Variants in ATRNL1 observed in about 807,000 individuals in gnomAD.
The protein encoded by ATRNL1 is attractin like 1, also known as attractin-like protein 1.
A neutral mutation model predicts 182.7 loss-of-function variants in ATRNL1; 95 were observed. The observed-to-expected ratio is 0.52, with a 90% CI of 0.44 to 0.62. The LOEUF (loss-of-function observed/expected upper bound fraction) is 0.62, where lower values mean the gene tolerates loss of function less well. Among genes scored for constraint, ATRNL1 ranks in the 20% least tolerant of loss-of-function variants. ATRNL1 has a pLI of 0.00. For synonymous variants in ATRNL1, 576 were observed against 568.3 expected (o/e 1.01, Z -0.19); for missense variants, 1,471 against 1,679.5 (o/e 0.88, Z 2.17).
intron 19 of ATRNL1, among the ~76,000 whole-genome samples, chr10:115,376,286 C>CTTTATTTA (rs139258930): frequency 4.1e-4 from 62 of 151,750 alleles, no homozygotes; most frequent in African/African-American, 1.2e-3. Flanking sequence ...CTGCCTTTGA[C>CTTTATTTA]TTTATTTATT....
intron 20 of ATRNL1, among the ~76,000 whole-genome samples, chr10:115,414,354 C>CT (rs1845286926): frequency 6.6e-6 from 1 of 151,456 alleles, no homozygotes; most frequent in African/African-American, 2.4e-5. Context: ...TCTTTCATTC[C>CT]TTTTTTCCCT....
chr10:115,774,119 A>C (rs1481941549), intron 27 of ATRNL1, among the ~76,000 whole-genome samples: 1 of 152,126 alleles, frequency 6.6e-6, no homozygotes, highest in East Asian at 1.9e-4. Flanking sequence ...CCCCAGCCCC[A>C]GGTGTGGAGT....
intron 10 of ATRNL1, among the ~76,000 whole-genome samples, chr10:115,247,291 G>T (rs539046741): frequency 5.9e-5 from 9 of 151,794 alleles, no homozygotes; most frequent in Non-Finnish European, 1.3e-4. Flanking sequence ...AATATACAAA[G>T]AACTAAAAAA....
At chr10:115,712,712 A>T (rs782318586) in intron 26 of ATRNL1, among the ~76,000 whole-genome samples, 6 of 151,986 alleles carry the variant, frequency 3.9e-5, no homozygotes, top group Non-Finnish European at 7.4e-5. Context: ...TACTAAAAGT[A>T]CACAGATTAG....
rs797034668 is a variant in ATRNL1 at position 115,145,027 on chromosome 10, A to G, written c.830-15013A>G. On this transcript the variant is annotated intron_variant, in intron 5 of 28. Transcript: ENST00000355044. Reference sequence around the variant, plus strand: ...TGGGCAGTTTAACTTTTGTACCTAGAAGAAATTTTGACATACATGCTTTCA... The same window carrying G: ...TGGGCAGTTTAACTTTTGTACCTAGGAGAAATTTTGACATACATGCTTTCA... Among the ~76,000 whole-genome samples, 7 of 152,336 alleles carry G rather than the reference A, an allele frequency of 4.6e-5. No homozygotes were observed. The South Asian group carries it at 1.4e-3, about 32-fold the overall frequency.
At chr10:115,789,519 A>G (rs1211058494) in intron 27 of ATRNL1, among the ~76,000 whole-genome samples, 1 of 152,196 alleles carries the variant, frequency 6.6e-6, no homozygotes, top group Non-Finnish European at 1.5e-5. Context: ...TACTGCTGAA[A>G]GGGCTCAACT....
intron 26 of ATRNL1, among the ~76,000 whole-genome samples, chr10:115,564,802 T>C (rs1281173285): frequency 2.0e-5 from 3 of 151,966 alleles, no homozygotes; most frequent in Non-Finnish European, 4.4e-5. Context: ...AATATGAATA[T>C]ACATCTTTTT....
chr10:115,578,851 T>C (rs965944912), intron 26 of ATRNL1, among the ~76,000 whole-genome samples: 1 of 151,690 alleles, frequency 6.6e-6, no homozygotes, highest in African/African-American at 2.4e-5. Flanking sequence ...AATGTAGACA[T>C]TTTTCACTTT....
intron 26 of ATRNL1, among the ~76,000 whole-genome samples, chr10:115,647,578 G>T (rs1476480110): frequency 1.3e-5 from 2 of 152,126 alleles, no homozygotes; most frequent in South Asian, 2.1e-4. Flanking sequence ...TCATGTGTCT[G>T]TTGGCTGCCT....
chr10:115,631,299 A>T (rs1199663569), intron 26 of ATRNL1, among the ~76,000 whole-genome samples: 1 of 152,126 alleles, frequency 6.6e-6, no homozygotes, highest in Non-Finnish European at 1.5e-5. Flanking sequence ...CACTATGTAT[A>T]TGTATATCAA....
intron 27 of ATRNL1, among the ~76,000 whole-genome samples, chr10:115,760,651 AC>A (rs1323527475): frequency 1.3e-5 from 2 of 152,196 alleles, no homozygotes; most frequent in African/African-American, 4.8e-5. Flanking sequence ...TATATAAAAA[AC>A]AATATTATTC....
intron 26 of ATRNL1, among the ~76,000 whole-genome samples, chr10:115,628,250 A>G (rs1022743728): frequency 2.0e-5 from 3 of 151,916 alleles, no homozygotes; most frequent in East Asian, 1.9e-4. Context: ...GCCATCACTT[A>G]TTTTTGATTT....
rs1555002761 is a variant in ATRNL1 at position 115,569,312 on chromosome 10, G to T, written c.3795+19776G>T. ...ACTCTTGATGTTTTTCTTTTTCATT[G>T]TTATGAACTTTGTACATTGTTCATT... On this transcript the variant is annotated intron_variant, in intron 26 of 28. Coordinates refer to ENST00000355044, the MANE Select transcript of ATRNL1 (RefSeq NM_207303.4). 3.3e-5 allele frequency among the ~76,000 whole-genome samples: 5 copies of T among 151,826 alleles called. No homozygotes were observed. In the South Asian group the frequency reaches 6.2e-4, roughly 19 times the overall value.
chr10:115,418,731 T>G (rs1845518505), intron 20 of ATRNL1, among the ~76,000 whole-genome samples: 1 of 152,108 alleles, frequency 6.6e-6, no homozygotes, highest in Non-Finnish European at 1.5e-5. Context: ...AAGAGAGATC[T>G]AATATAACTG....
rs182929535 is a variant in ATRNL1 at position 115,651,955 on chromosome 10, T to C, written c.3796-75293T>C. Among the ~76,000 whole-genome samples, 20 of 152,220 alleles carry C rather than the reference T, an allele frequency of 1.3e-4. No individual in the cohort carries two copies. In the East Asian group the frequency reaches 3.7e-3, roughly 28 times the overall value. On this transcript the variant is annotated intron_variant, in intron 26 of 28. Transcript: ENST00000355044. ...GAATGAACTGTTTAGTTAACTATTA[T>C]AATAATGAAAACAACTGTAGTAACC...
intron 10 of ATRNL1, among the ~76,000 whole-genome samples, chr10:115,258,122 T>C (rs1851236443): frequency 6.6e-6 from 1 of 152,130 alleles, no homozygotes; most frequent in Non-Finnish European, 1.5e-5. Flanking sequence ...CTTTGTGGTG[T>C]TCTCTGTATT....
intron 27 of ATRNL1, among the ~76,000 whole-genome samples, chr10:115,743,403 T>G (rs1040034251): frequency 6.8e-5 from 9 of 132,902 alleles, no homozygotes; most frequent in Non-Finnish European, 1.4e-4. Flanking sequence ...GTTGTTCTCT[T>G]GTCCTAGAGG....
At chr10:115,203,211 C>A (rs1848660794) in intron 8 of ATRNL1, among the ~76,000 whole-genome samples, 1 of 152,034 alleles carries the variant, frequency 6.6e-6, no homozygotes, top group African/African-American at 2.4e-5. Context: ...TGGCCATCTA[C>A]AAGTATAAAA....
At chr10:115,141,229 T>G (rs1343450193) in intron 5 of ATRNL1, among the ~76,000 whole-genome samples, 3 of 152,150 alleles carry the variant, frequency 2.0e-5, no homozygotes, top group African/African-American at 7.2e-5. Context: ...ATGTATTAGT[T>G]TACTAGTATA....
Sources: gnomAD v4.1 joint callset for allele counts (sites outside exome capture counted in the v4.1 genomes callset) on GRCh38, gnomAD v4.1.1 for gene constraint, MANE v1.5 for transcripts, NCBI Gene and HGNC (gene_info 2026-07-23, HGNC 2026-07-21) for gene names.